The following LMNTD1 variants were observed in gnomAD, a reference collection of about 807,000 sequenced individuals.
The protein encoded by LMNTD1 is lamin tail domain containing 1, also known as lamin tail domain-containing protein 1.
In LMNTD1, 35 loss-of-function variants were observed where a neutral mutation model predicts 50.9. The ratio of observed to expected loss-of-function variants is 0.69; its 90% CI spans 0.53 to 0.91. LMNTD1 has a LOEUF of 0.91. Among genes scored for constraint, LMNTD1 ranks in the 40% least tolerant of loss-of-function variants. The pLI is 0.00. For missense variants in LMNTD1, 470 were observed against 475.5 expected (o/e 0.99, Z 0.11); for synonymous variants, 153 against 161.9 (o/e 0.94, Z 0.42).
chr12:25,506,575 CA>C (rs1158811890), intron 8 of LMNTD1, among the ~76,000 whole-genome samples: 2 of 151,880 alleles, frequency 1.3e-5, no homozygotes, highest in Admixed American at 1.3e-4. Context: ...GAAGAAAGCA[CA>C]TTCTCTCTAG....
chr12:25,576,380 A>G (rs532300585), intron 1 of LMNTD1, among the ~76,000 whole-genome samples: 2 of 152,292 alleles, frequency 1.3e-5, no homozygotes, highest in East Asian at 1.9e-4. Context: ...AATGATCGCC[A>G]TTCTAACTGG....
upstream of LMNTD1, among the ~76,000 whole-genome samples, chr12:25,553,855 G>T (rs1943914697): frequency 6.6e-6 from 1 of 152,122 alleles, no homozygotes; most frequent in Admixed American, 6.5e-5. Context: ...TATAAATGAT[G>T]ATTACTGGAT....
intron 9 of LMNTD1, among the ~76,000 whole-genome samples, chr12:25,480,182 T>C (rs1366651009): frequency 1.3e-5 from 2 of 152,222 alleles, no homozygotes; most frequent in Admixed American, 1.3e-4. Context: ...TCACACCTTC[T>C]TCTACATGTG....
intron 7 of LMNTD1, 78 bp from the exon 8 acceptor site, chr12:25,519,045 G>A (rs904780971): frequency 8.9e-6 from 12 of 1,341,586 alleles, no homozygotes; most frequent in Admixed American, 2.2e-5. Context: ...ACAATTAAAG[G>A]GGAAGCATAT....
intron 9 of LMNTD1, among the ~76,000 whole-genome samples, chr12:25,480,898 T>C (rs1263259061): frequency 6.6e-6 from 1 of 152,176 alleles, no homozygotes; most frequent in Non-Finnish European, 1.5e-5. Flanking sequence ...TAGCTTGCTG[T>C]CCAAATAACT....
At chr12:25,525,141 T>G (rs1269620450) in intron 6 of LMNTD1, among the ~76,000 whole-genome samples, 2 of 152,194 alleles carry the variant, frequency 1.3e-5, no homozygotes. Context: ...GATTCACTTT[T>G]TTGTTGTTGT....
chr12:25,505,489 T>C (rs1939689390), intron 8 of LMNTD1, among the ~76,000 whole-genome samples: 1 of 152,194 alleles, frequency 6.6e-6, no homozygotes, highest in South Asian at 2.1e-4. Flanking sequence ...AAGCAGCACA[T>C]AAACTGTTCT....
intron 1 of LMNTD1, among the ~76,000 whole-genome samples, chr12:25,558,396 G>A (rs760601270): frequency 5.9e-5 from 9 of 152,010 alleles, no homozygotes; most frequent in Non-Finnish European, 1.3e-4. Context: ...CTTTTTTGAC[G>A]TAGGCACTTA....
In LMNTD1 at chr12:25,520,169, TATATATAG is replaced by T. The variant is rs1341062812; in HGVS notation, c.799-102_799-95del. On this transcript the variant is annotated intron_variant, in intron 6 of 9. Transcript: ENST00000458174. ...ACATATATATATATATATATATATA[TATATATAG>T]TAAAATGGTTACTATGGTGGAGCAA... 35 of 218,364 alleles carry T rather than the reference TATATATAG, an allele frequency of 1.6e-4. 1 individual carries two copies. Among genetic ancestry groups the T allele is most frequent in the South Asian group, 7.4e-4 (4 of 5,400 alleles). The allele number at this position is 218,364 out of a possible 1,614,324, so 13.5% of individuals were successfully genotyped here.
In LMNTD1 at chr12:25,526,676, T is replaced by C. The variant is rs1315895700; in HGVS notation, c.678+93A>G. 1.2e-5 allele frequency: 10 copies of C among 804,576 alleles called. No individual in the cohort carries two copies. The East Asian group carries it at 2.6e-4, about 21-fold the overall frequency. 49.8% of individuals were successfully genotyped at this position (804,576 alleles called of 1,614,324 possible). A position where few individuals can be genotyped will look rare whatever the true frequency, so the allele number is the denominator to read the frequency against. On this transcript the variant is annotated intron_variant, in intron 5 of 9. Transcript: ENST00000458174. ...ATCTTACGTACAGATCCAGATAGAG[T>C]GATAACGAGACAGTGCTGAGCCACA...
intron 1 of LMNTD1, among the ~76,000 whole-genome samples, chr12:25,561,887 T>C (rs1944343283): frequency 6.6e-6 from 1 of 152,228 alleles, no homozygotes. Flanking sequence ...ATTACCATTA[T>C]GTAATGGCCT....
upstream of LMNTD1, among the ~76,000 whole-genome samples, chr12:25,556,675 A>G (rs1462808021): frequency 6.6e-6 from 1 of 152,196 alleles, no homozygotes; most frequent in Non-Finnish European, 1.5e-5. Context: ...GCCCCATAAG[A>G]GTAGATGTGG....
chr12:25,568,793 T>C (rs1451269225), intron 1 of LMNTD1, among the ~76,000 whole-genome samples: 2 of 152,234 alleles, frequency 1.3e-5, no homozygotes, highest in East Asian at 3.8e-4. Context: ...ATGTTAAGCC[T>C]GCAGGTGCAC....
At chr12:25,556,511 C>T (rs1386846144), upstream of LMNTD1, among the ~76,000 whole-genome samples, 3 of 152,166 alleles carry the variant, frequency 2.0e-5, no homozygotes, top group Non-Finnish European at 4.4e-5. Flanking sequence ...TGCCTAAATG[C>T]TTGTCCATTC....
chr12:25,523,782 A>G lies in LMNTD1; in HGVS notation c.798+2317T>C, dbSNP rs1417784253. On this transcript the variant is annotated intron_variant, in intron 6 of 9. Coordinates refer to ENST00000458174, the MANE Select transcript of LMNTD1 (RefSeq NM_001145728.2). The stretch of plus-strand genomic sequence containing the variant: ...ATTAAATAATGCATATGGCTTTACC[A>G]TAAGGTAGAATTTCCAATGGGATGT... 3.3e-5 allele frequency among the ~76,000 whole-genome samples: 5 copies of G among 151,820 alleles called. No individual in the cohort carries two copies. In the South Asian group the frequency reaches 8.3e-4, roughly 25 times the overall value.
At chr12:25,494,411 G>A (rs914629428) in intron 9 of LMNTD1, among the ~76,000 whole-genome samples, 10 of 151,456 alleles carry the variant, frequency 6.6e-5, no homozygotes, top group Non-Finnish European at 1.2e-4. Flanking sequence ...TTTTCATATT[G>A]CTGTAAAATT....
intron 1 of LMNTD1, among the ~76,000 whole-genome samples, chr12:25,586,609 A>G (rs1565504553): frequency 6.6e-6 from 1 of 152,184 alleles, no homozygotes. Flanking sequence ...CTTCTCAGAA[A>G]GACCATTGGC....
At chr12:25,580,089 C>A (rs942005835) in intron 1 of LMNTD1, among the ~76,000 whole-genome samples, 5 of 152,176 alleles carry the variant, frequency 3.3e-5, no homozygotes, top group African/African-American at 1.2e-4. Context: ...CTACTAGACA[C>A]TTCCCTATGC....
intron 1 of LMNTD1, among the ~76,000 whole-genome samples, chr12:25,593,848 A>G (rs1433190340): frequency 6.6e-6 from 1 of 151,974 alleles, no homozygotes; most frequent in Non-Finnish European, 1.5e-5. Context: ...GAAATATTTG[A>G]TTAAATAAAT....
Sources: gnomAD v4.1 joint callset for allele counts (sites outside exome capture counted in the v4.1 genomes callset) on GRCh38, gnomAD v4.1.1 for gene constraint, MANE v1.5 for transcripts, NCBI Gene and HGNC (gene_info 2026-07-23, HGNC 2026-07-21) for gene names.